Variants in FBXO10 observed in about 807,000 individuals in gnomAD.
FBXO10 encodes F-box protein 10.
FBXO10 carries 39 observed loss-of-function variants against 80.7 expected under a neutral mutation model. That is an observed-to-expected ratio of 0.48 (90% CI 0.37 to 0.63). The LOEUF (loss-of-function observed/expected upper bound fraction) is 0.63, where lower values mean the gene tolerates loss of function less well. Among genes scored for constraint, FBXO10 ranks in the 30% least tolerant of loss-of-function variants. The pLI is 0.00. For missense variants in FBXO10, 1,025 were observed against 1,269.0 expected (o/e 0.81, Z 2.92); for synonymous variants, 449 against 489.6 (o/e 0.92, Z 1.09).
chr9:37,521,920 G>A, intron 7 of FBXO10, 82 bp from the exon 8 acceptor site: 1 of 1,438,374 alleles, frequency 7.0e-7, no homozygotes. Flanking sequence ...GGAAACAAAA[G>A]CCACTGGCCT....
At chr9:37,555,661 G>A (rs1306647586) in intron 1 of FBXO10, among the ~76,000 whole-genome samples, 7 of 152,066 alleles carry the variant, frequency 4.6e-5, no homozygotes, top group Non-Finnish European at 1.0e-4. Flanking sequence ...GATTACAGGC[G>A]TGAGCCACTG....
At chr9:37,556,533 A>ATTTTTTTTTT in intron 1 of FBXO10, among the ~76,000 whole-genome samples, 1 of 75,102 alleles carries the variant, frequency 1.3e-5, no homozygotes, top group Non-Finnish European at 2.4e-5. Flanking sequence ...TTTGTTCTGG[A>ATTTTTTTTTT]TTTTTTTTTT....
At chr9:37,551,129 G>C (rs545827815) in intron 1 of FBXO10, among the ~76,000 whole-genome samples, 1 of 152,342 alleles carries the variant, frequency 6.6e-6, no homozygotes, top group East Asian at 1.9e-4. Flanking sequence ...AGTATGTCCA[G>C]AACAGAGCAA....
intron 1 of FBXO10, among the ~76,000 whole-genome samples, chr9:37,544,713 G>A (rs879943139): frequency 2.0e-5 from 3 of 152,110 alleles, no homozygotes; most frequent in Non-Finnish European, 2.9e-5. Flanking sequence ...AGAGAAAAGC[G>A]GCCGGGCGCG....
intron 2 of FBXO10, among the ~76,000 whole-genome samples, chr9:37,539,651 C>G (rs1276588009): frequency 2.6e-5 from 4 of 152,224 alleles, no homozygotes; most frequent in African/African-American, 9.6e-5. Context: ...GGCCTGCAGA[C>G]CAGCACCAGA....
In FBXO10 at chr9:37,541,276, C is replaced by T; in HGVS notation, c.493G>A (p.Ala165Thr). ...TGCTGATCAATGCTGGCCAGCAGGG[C>T]CACTTCACCCAACTTCCCCTGCCCT... Reference protein sequence around the residue: ...IVGQGKLGEVALLASIDQHCS... With the variant: ...IVGQGKLGEVTLLASIDQHCS... The change falls in exon 2 of 11, where the codon GCC (alanine) becomes ACC (threonine). Residue 165 changes from alanine to threonine, a missense_variant. Coordinates refer to ENST00000432825, the MANE Select transcript of FBXO10 (RefSeq NM_012166.3). The T allele has an allele frequency of 6.2e-7, 1 of 1,613,966 alleles. No homozygotes were observed.
chr9:37,551,443 C>T (rs1822196625), intron 1 of FBXO10, among the ~76,000 whole-genome samples: 2 of 152,340 alleles, frequency 1.3e-5, no homozygotes, highest in East Asian at 3.9e-4. Context: ...GGTAGAGGCA[C>T]ACAAGCCTCC....
intron 1 of FBXO10, 57 bp from the exon 2 acceptor site, chr9:37,541,831 C>A: frequency 7.1e-7 from 1 of 1,409,912 alleles, no homozygotes; most frequent in Non-Finnish European, 9.5e-7. Flanking sequence ...ACCAGTCCCC[C>A]TTTTTTATTT....
chr9:37,531,625 C>A (rs1478620053), intron 4 of FBXO10, among the ~76,000 whole-genome samples: 5 of 152,180 alleles, frequency 3.3e-5, no homozygotes, highest in Non-Finnish European at 7.3e-5. Flanking sequence ...TTATCAAACT[C>A]AAAGCCAACC....
At chr9:37,518,562 C>G in intron 8 of FBXO10, 124 bp from the exon 9 acceptor site, 1 of 768,830 alleles carries the variant, frequency 1.3e-6, no homozygotes. Flanking sequence ...GAGGTACCAA[C>G]ACTCAGAAAC....
chr9:37,571,648 A>AT (rs973077664), intron 1 of FBXO10, among the ~76,000 whole-genome samples: 3 of 145,666 alleles, frequency 2.1e-5, no homozygotes, highest in African/African-American at 7.8e-5. Context: ...AAGAATCTCT[A>AT]TTTTATGCCC....
intron 1 of FBXO10, among the ~76,000 whole-genome samples, chr9:37,553,774 G>A (rs1279713677): frequency 1.3e-5 from 2 of 151,298 alleles, no homozygotes; most frequent in East Asian, 3.9e-4. Flanking sequence ...AATTAGCCAG[G>A]CGTGGTGGCA....
Position 37,518,337 on chromosome 9 carries a change from G to T in FBXO10, c.2302C>A (p.Pro768Thr), listed in dbSNP as rs868441133. The T allele has an allele frequency of 1.9e-6, 3 of 1,614,046 alleles. No homozygotes were observed. In the African/African-American group the frequency reaches 4.0e-5, roughly 22 times the overall value. Residue 768 changes from proline (P) to threonine (T), a missense_variant, in exon 9 of 11, where the codon CCC becomes ACC. Physicochemically the swap from Pro to Thr is conservative, Grantham distance 38. Around this residue, in one of 3 missense-constraint regions of FBXO10, gnomAD observed 478 missense variants for 667.8 expected, o/e 0.72. Transcript: ENST00000432825. ...ATGCTGTTGTTGGCCACTCGGGTGG[G>T]TTGGCTGCTCTGGGCCACAGTAATG... ...RGITVAQSSQ[P>T]TRVANNSISC... is the part of the protein sequence containing the mutation.
At chr9:37,556,728 G>C (rs142961181) in intron 1 of FBXO10, among the ~76,000 whole-genome samples, 1 of 151,870 alleles carries the variant, frequency 6.6e-6, no homozygotes, top group Non-Finnish European at 1.5e-5. Flanking sequence ...ATTTTTAGTA[G>C]ATATGGGGGT....
In FBXO10 at chr9:37,516,207, G is replaced by A. The variant is rs1040066694; in HGVS notation, c.2515-122C>T. The A allele has an allele frequency of 8.3e-6, 9 of 1,087,378 alleles. No homozygotes were observed. The Admixed American group carries it at 8.9e-5, about 11-fold the overall frequency. The allele number at this position is 1,087,378 out of a possible 1,614,324, so 67.4% of individuals were successfully genotyped here. ...GGAACATGCCAGGCAGGTCAGTGAA[G>A]AGCCTATGAGCTCAAAGAAGGGCAC... is the stretch of plus-strand genomic sequence containing the variant. On this transcript the variant is annotated intron_variant, in intron 9 of 10. Coordinates refer to ENST00000432825, the MANE Select transcript of FBXO10 (RefSeq NM_012166.3).
In FBXO10 at chr9:37,549,729, G is replaced by C. The variant is rs1822144035; in HGVS notation, c.-6-7955C>G. On this transcript the variant is annotated intron_variant, in intron 1 of 10. Coordinates refer to ENST00000432825, the MANE Select transcript of FBXO10 (RefSeq NM_012166.3). ...ATTTTGCTGACTGCATGCATTACTT[G>C]AAGGAGAGCTCACTTGTTCCTGTCA... is the stretch of plus-strand genomic sequence containing the variant. 2.0e-5 allele frequency among the ~76,000 whole-genome samples: 3 copies of C among 152,198 alleles called. No individual in the cohort carries two copies. The South Asian group carries it at 6.2e-4, about 31-fold the overall frequency.
chr9:37,520,623 C>T (rs1057438947), intron 8 of FBXO10, among the ~76,000 whole-genome samples: 3 of 151,152 alleles, frequency 2.0e-5, no homozygotes, highest in South Asian at 2.1e-4. Flanking sequence ...CTTGGCCTCC[C>T]AAAGTCCTGG....
intron 6 of FBXO10, among the ~76,000 whole-genome samples, chr9:37,524,791 T>C (rs1166998125): frequency 3.3e-5 from 5 of 151,870 alleles, no homozygotes; most frequent in African/African-American, 1.2e-4. Flanking sequence ...CAGGCAGAGG[T>C]CCGCACAAAG....
At position 37,550,169 on chromosome 9, in the gene FBXO10, G is replaced by GTTTTTTTTTTTTTTTTTTTTTTT. The variant is rs74171511; in HGVS notation, c.-6-8418_-6-8396dup. Among the ~76,000 whole-genome samples, 4 of 68,008 alleles carry GTTTTTTTTTTTTTTTTTTTTTTT rather than the reference G, an allele frequency of 5.9e-5. 1 individual carries two copies. Among genetic ancestry groups the GTTTTTTTTTTTTTTTTTTTTTTT allele is most frequent in the East Asian group, 1.5e-3 (2 of 1,310 alleles). 44.6% of individuals were successfully genotyped at this position (68,008 alleles called of 152,430 possible). A position where few individuals can be genotyped will look rare whatever the true frequency, so the allele number is the denominator to read the frequency against. On this transcript the variant is annotated intron_variant, in intron 1 of 10. Coordinates refer to ENST00000432825, the MANE Select transcript of FBXO10 (RefSeq NM_012166.3). ...CAGTTTTCTTTTTTTGTCGTCTCAGGTTTTTTTTTTTTTTTTTTTTTTTTT... is the reference window on the plus strand; with the variant it reads ...CAGTTTTCTTTTTTTGTCGTCTCAGGTTTTTTTTTTTTTTTTTTTTTTTTTTTTTTTTTTTTTTTTTTTTTTTT...
Sources: allele counts gnomAD v4.1 joint callset (sites outside exome capture counted in the v4.1 genomes callset), GRCh38; gene constraint gnomAD v4.1.1; regional missense constraint gnomAD v4.1.1; transcripts MANE v1.5; gene names NCBI Gene and HGNC (gene_info 2026-07-23, HGNC 2026-07-21).